CAMTA1: variants seen among roughly 807,000 people sequenced by gnomAD.
CAMTA1 encodes the protein calmodulin binding transcription activator 1.
A neutral mutation model predicts 170.9 loss-of-function variants in CAMTA1; 27 were observed. That is an observed-to-expected ratio of 0.16 (90% CI 0.12 to 0.22). The LOEUF (loss-of-function observed/expected upper bound fraction) is 0.22, where lower values mean the gene tolerates loss of function less well. Among genes scored for constraint, CAMTA1 ranks in the 10% least tolerant of loss-of-function variants. CAMTA1 has a pLI of 1.00. For synonymous variants in CAMTA1, 833 were observed against 891.5 expected, an observed-to-expected ratio of 0.93 and a Z score of 1.17; for missense variants, 1,619 against 2,217.2, an observed-to-expected ratio of 0.73 and a Z score of 5.42.
At chr1:7,089,479 C>T (rs1641187361) in intron 3 of CAMTA1, among the ~76,000 whole-genome samples, 2 of 152,146 alleles carry the variant, frequency 1.3e-5, no homozygotes, top group Non-Finnish European at 1.5e-5. Context: ...CACACACACT[C>T]TCTCACTCAC....
Position 7,736,886 on chromosome 1 carries a change from A to T in CAMTA1, c.3264-45A>T. On this transcript the variant is annotated intron_variant, in intron 13 of 22. Coordinates refer to ENST00000303635, the MANE Select transcript of CAMTA1 (RefSeq NM_015215.4). This position sits in a 1 kb window ranked among gnomAD's most constrained non-coding sequence, Gnocchi z 4.5. ...TTATAATATTCTGGTGTTTCCTTTT[A>T]ACGGTGGTGAATAGTGTGGTAATTT... 6.9e-7 allele frequency: 1 copy of T among 1,440,972 alleles called. No homozygotes were observed. Among genetic ancestry groups the T allele is most frequent in the Admixed American group, 1.8e-5 (1 of 55,728 alleles). The allele number at this position is 1,440,972 out of a possible 1,614,324, so 89.3% of individuals were successfully genotyped here.
At chr1:7,600,651 C>T (rs1288643529) in intron 6 of CAMTA1, among the ~76,000 whole-genome samples, 6 of 151,924 alleles carry the variant, frequency 3.9e-5, no homozygotes, top group Non-Finnish European at 8.8e-5. Flanking sequence ...GTTTGTGTCC[C>T]TGGGTACTTG....
rs570136385 is a variant in CAMTA1 at position 7,644,251 on chromosome 1, T to A, written c.664+3698T>A. On this transcript the variant is annotated intron_variant, in intron 7 of 22. Transcript: ENST00000303635. ...ATCCTGGTCCTTGCAGCTGTGCCCT[T>A]TGGTCAGAAGGGGGCTTCCCTTCCA... is the stretch of plus-strand genomic sequence containing the variant. Among the ~76,000 whole-genome samples the A allele has an allele frequency of 1.5e-4, 23 of 152,224 alleles. No homozygotes were observed. In the East Asian group the frequency reaches 4.1e-3, roughly 27 times the overall value.
chr1:7,574,507 C>T (rs561833666), intron 6 of CAMTA1, among the ~76,000 whole-genome samples: 9 of 152,304 alleles, frequency 5.9e-5, no homozygotes, highest in South Asian at 4.1e-4. Context: ...TGACTCAGGC[C>T]GGTCATTTTG....
intron 3 of CAMTA1, among the ~76,000 whole-genome samples, chr1:6,882,492 G>A (rs918136248): frequency 3.3e-5 from 5 of 152,166 alleles, no homozygotes; most frequent in African/African-American, 1.2e-4. Context: ...TATAGGAAGA[G>A]TCAGGGATGA....
At chr1:7,135,767 ACT>A (rs1260865675) in intron 4 of CAMTA1, among the ~76,000 whole-genome samples, 1 of 151,852 alleles carries the variant, frequency 6.6e-6, no homozygotes, top group Non-Finnish European at 1.5e-5. Flanking sequence ...TCTCTTTCTG[ACT>A]CTCTATCTGT....
intron 5 of CAMTA1, among the ~76,000 whole-genome samples, chr1:7,398,836 G>T (rs1019994575): frequency 2.0e-5 from 3 of 151,726 alleles, no homozygotes; most frequent in Non-Finnish European, 2.9e-5. Flanking sequence ...GTTACTACGG[G>T]GTTTACATTA....
Position 7,172,241 on chromosome 1 carries a change from C to G in CAMTA1, c.303-77250C>G, listed in dbSNP as rs538071405. ...CTTGCCTCACCGCAACCTCTGCCTC[C>G]TGGGCTCAAGCGATTCTCCTGCCTC... is the stretch of plus-strand genomic sequence containing the variant. On this transcript the variant is annotated intron_variant, in intron 4 of 22. Transcript: ENST00000303635. Among the ~76,000 whole-genome samples, 922 of 152,246 alleles carry G rather than the reference C, an allele frequency of 6.1e-3. 5 individuals are homozygous for G. Among genetic ancestry groups the G allele is most frequent in the Non-Finnish European group, 8.1e-3 (553 of 68,024 alleles).
At chr1:6,990,240 C>G (rs553949836) in intron 3 of CAMTA1, among the ~76,000 whole-genome samples, 1 of 152,284 alleles carries the variant, frequency 6.6e-6, no homozygotes, top group African/African-American at 2.4e-5. Context: ...CTGTTAAATG[C>G]AAACTATAAA....
chr1:7,250,848 A>C (rs1467946920), intron 5 of CAMTA1, among the ~76,000 whole-genome samples: 9 of 152,232 alleles, frequency 5.9e-5, no homozygotes, highest in Admixed American at 5.9e-4. Flanking sequence ...AGTGTGGTTT[A>C]ATTGACTGCA....
At chr1:7,201,663 G>T (rs1051535012) in intron 4 of CAMTA1, among the ~76,000 whole-genome samples, 1 of 152,030 alleles carries the variant, frequency 6.6e-6, no homozygotes, top group African/African-American at 2.4e-5. Context: ...GTGTATATTT[G>T]TATATTTTCC....
rs1267843909 is a variant in CAMTA1 at position 7,517,723 on chromosome 1, A to T, written c.510+49822A>T. On this transcript the variant is annotated intron_variant, in intron 6 of 22. Coordinates refer to ENST00000303635, the MANE Select transcript of CAMTA1 (RefSeq NM_015215.4). ...CAGAGACACTTAGAGCAACCAACACATCCTCTGTCTACCATGTCTGGGCAT... is the reference window on the plus strand; with the variant it reads ...CAGAGACACTTAGAGCAACCAACACTTCCTCTGTCTACCATGTCTGGGCAT... Among the ~76,000 whole-genome samples, 3 of 151,970 alleles carry T rather than the reference A, an allele frequency of 2.0e-5. 1 individual carries two copies. The highest frequency in any genetic ancestry group is 7.3e-5 in the African/African-American group (3 of 41,224).
At chr1:7,625,989 C>T (rs2095630881) in intron 6 of CAMTA1, among the ~76,000 whole-genome samples, 1 of 152,204 alleles carries the variant, frequency 6.6e-6, no homozygotes, top group Admixed American at 6.5e-5. Flanking sequence ...AAAAGAAAAA[C>T]TGTATTTTCT....
At chr1:7,238,691 C>T (rs541317125) in intron 4 of CAMTA1, among the ~76,000 whole-genome samples, 3 of 152,320 alleles carry the variant, frequency 2.0e-5, no homozygotes, top group Non-Finnish European at 4.4e-5. Context: ...CAAGACCAGC[C>T]TGACCAACAT....
At chr1:7,252,806 T>C (rs1666827089) in intron 5 of CAMTA1, among the ~76,000 whole-genome samples, 1 of 152,206 alleles carries the variant, frequency 6.6e-6, no homozygotes, top group East Asian at 1.9e-4. Flanking sequence ...TATTTGGATC[T>C]ACCGTTTAAT....
intron 5 of CAMTA1, among the ~76,000 whole-genome samples, chr1:7,398,701 A>G (rs2089644845): frequency 6.6e-6 from 1 of 152,044 alleles, no homozygotes; most frequent in African/African-American, 2.4e-5. Context: ...GCTCTTTTGT[A>G]CATCCTGTGT....
intron 3 of CAMTA1, among the ~76,000 whole-genome samples, chr1:7,077,275 CT>C (rs1168922568): frequency 1.5e-5 from 2 of 135,692 alleles, no homozygotes; most frequent in Non-Finnish European, 3.1e-5. Flanking sequence ...ATGAAAGAAG[CT>C]TCTGTTTTGC....
chr1:7,155,608 T>G (rs1039262970), intron 4 of CAMTA1, among the ~76,000 whole-genome samples: 10 of 152,044 alleles, frequency 6.6e-5, no homozygotes, highest in African/African-American at 2.2e-4. Flanking sequence ...AATTTTTAAT[T>G]TTTTTAGGGA....
intron 5 of CAMTA1, among the ~76,000 whole-genome samples, chr1:7,265,900 C>G (rs888675381): frequency 1.3e-5 from 2 of 152,190 alleles, no homozygotes; most frequent in Non-Finnish European, 2.9e-5. Flanking sequence ...TAATGAGAAA[C>G]AGGATACGGC....
Sources: gnomAD v4.1 joint callset for allele counts (sites outside exome capture counted in the v4.1 genomes callset) on GRCh38, gnomAD v4.1.1 for gene constraint, Gnocchi (gnomAD v3.1) non-coding constraint, MANE v1.5 for transcripts, NCBI Gene and HGNC (gene_info 2026-07-23, HGNC 2026-07-21) for gene names.